Variants in PIN4 observed in about 807,000 individuals in gnomAD.
PIN4 encodes the protein peptidylprolyl cis/trans isomerase, NIMA-interacting 4, also known as peptidyl-prolyl cis-trans isomerase NIMA-interacting 4.
A neutral mutation model predicts 8.3 loss-of-function variants in PIN4; 3 were observed. That is an observed-to-expected ratio of 0.36 (90% CI 0.16 to 0.93). PIN4 has a LOEUF of 0.93. Among genes scored for constraint, PIN4 ranks in the 40% least tolerant of loss-of-function variants. The pLI is 0.44. For missense variants in PIN4, 75 were observed against 100.6 expected, an observed-to-expected ratio of 0.75 and a Z score of 1.09; for synonymous variants, 18 against 32.5, an observed-to-expected ratio of 0.55 and a Z score of 1.52.
intron 3 of PIN4, among the ~76,000 whole-genome samples, chrX:72,246,498 C>T (rs1331068973): frequency 9.0e-6 from 1 of 111,626 alleles, no homozygotes; most frequent in Non-Finnish European, 1.9e-5. Context: ...CTAAATCCTT[C>T]AAAGCCCCCT....
At chrX:72,201,845 A>G (rs1326929245), downstream of PIN4, among the ~76,000 whole-genome samples, 1 of 113,013 alleles carries the variant, frequency 8.8e-6, no homozygotes, top group Non-Finnish European at 1.9e-5. Context: ...TCTTGAACAA[A>G]GAACGAAACG....
At chrX:72,206,901 T>A in intron 3 of PIN4, 1 of 1,211,746 alleles carries the variant, frequency 8.3e-7, no homozygotes, top group Non-Finnish European at 1.1e-6. Flanking sequence ...CTCTTAATTC[T>A]TGTTTACTAA....
intron 1 of PIN4, among the ~76,000 whole-genome samples, chrX:72,184,765 T>C (rs2042690721): frequency 9.0e-6 from 1 of 111,569 alleles, no homozygotes; most frequent in Non-Finnish European, 1.9e-5. Flanking sequence ...TAATCAAACA[T>C]TTATTAAAAC....
intron 3 of PIN4, chrX:72,204,959 CAAA>C (rs2042807241): frequency 1.9e-6 from 2 of 1,028,755 alleles, no homozygotes; most frequent in Admixed American, 3.1e-5. Flanking sequence ...ATTATGGGAA[CAAA>C]AATTCCCTCA....
At chrX:72,234,834 A>G (rs781377306) in intron 3 of PIN4, among the ~76,000 whole-genome samples, 29 of 111,700 alleles carry the variant, frequency 2.6e-4, no homozygotes, top group African/African-American at 8.1e-4. Flanking sequence ...AATTGGAAGC[A>G]AGAGAGATGA....
chrX:72,210,711 C>T (rs2042849457), intron 3 of PIN4, among the ~76,000 whole-genome samples: 1 of 111,501 alleles, frequency 9.0e-6, no homozygotes, highest in Non-Finnish European at 1.9e-5. Context: ...TTAGCACCAG[C>T]CTAAAATACT....
At chrX:72,253,188 T>C (rs764597840) in intron 3 of PIN4, among the ~76,000 whole-genome samples, 3 of 111,928 alleles carry the variant, frequency 2.7e-5, no homozygotes, top group South Asian at 3.7e-4. Flanking sequence ...CCAAGCCCTG[T>C]TGGCTGTCTC....
chrX:72,199,760 G>A (rs1158325447), downstream of PIN4, among the ~76,000 whole-genome samples: 1 of 109,761 alleles, frequency 9.1e-6, no homozygotes, highest in East Asian at 2.9e-4. Flanking sequence ...TCTGTGGTAT[G>A]GAGAGAGAGC....
At chrX:72,192,163 G>C (rs2042739042) in intron 2 of PIN4, among the ~76,000 whole-genome samples, 1 of 111,182 alleles carries the variant, frequency 9.0e-6, no homozygotes, top group Non-Finnish European at 1.9e-5. Flanking sequence ...ATGTTGGCCA[G>C]GCTGGTCTCC....
At chrX:72,253,486 C>T (rs752859273) in intron 3 of PIN4, among the ~76,000 whole-genome samples, 27 of 110,578 alleles carry the variant, frequency 2.4e-4, no homozygotes, top group South Asian at 3.9e-4. Context: ...ATTAGCCAGG[C>T]GTGGTGGTGT....
chrX:72,207,179 A>C, intron 3 of PIN4: 1 of 1,211,393 alleles, frequency 8.3e-7, no homozygotes, highest in Non-Finnish European at 1.1e-6. Context: ...AGAAAAACAG[A>C]GTAATCTTTA....
At chrX:72,194,128 G>A (rs970394426) in intron 2 of PIN4, among the ~76,000 whole-genome samples, 20 of 111,647 alleles carry the variant, frequency 1.8e-4, no homozygotes, top group Non-Finnish European at 3.4e-4. Context: ...GGACGGGTGC[G>A]GTGGCTCATG....
intron 3 of PIN4, among the ~76,000 whole-genome samples, chrX:72,210,190 A>ACT (rs60310476): frequency 0.43 from 43,879 of 102,014 alleles, 8,789 homozygotes; most frequent in East Asian, 0.98. Flanking sequence ...ACATAGCGAG[A>ACT]CTGTCTCTTA....
intron 3 of PIN4, 139 bp downstream of exon 3, chrX:72,197,043 T>C (rs766387801): frequency 1.7e-6 from 1 of 585,887 alleles, no homozygotes; most frequent in Admixed American, 4.2e-5. Flanking sequence ...TGTTCAACCA[T>C]TGGTTGTAGC....
At chrX:72,204,869 G>C (rs892705988) in intron 3 of PIN4, 2 of 414,942 alleles carry the variant, frequency 4.8e-6, no homozygotes, top group Non-Finnish European at 4.0e-6. Context: ...CTATGGAGTG[G>C]GGGGCGTTGC....
At chrX:72,251,217 C>G (rs1300251343) in intron 3 of PIN4, among the ~76,000 whole-genome samples, 2 of 105,511 alleles carry the variant, frequency 1.9e-5, no homozygotes, top group Non-Finnish European at 3.9e-5. Flanking sequence ...AAAAAAATTA[C>G]CCGGGCGTGG....
intron 3 of PIN4, among the ~76,000 whole-genome samples, chrX:72,219,847 CAA>C (rs55860938): frequency 2.0e-4 from 13 of 64,972 alleles, no homozygotes; most frequent in Admixed American, 1.8e-4. Flanking sequence ...GACTCCGTCT[CAA>C]AAAAAAAAAA....
intron 3 of PIN4, among the ~76,000 whole-genome samples, chrX:72,220,254 A>G (rs2042915285): frequency 9.0e-6 from 1 of 111,378 alleles, no homozygotes; most frequent in Non-Finnish European, 1.9e-5. Flanking sequence ...TAAAAAATGT[A>G]ATAATCATCA....
At chrX:72,200,927 C>T (rs768751993), downstream of PIN4, among the ~76,000 whole-genome samples, 2 of 112,157 alleles carry the variant, frequency 1.8e-5, no homozygotes, top group South Asian at 3.7e-4. Context: ...AGGCTGGATG[C>T]GGTGGCTCAC....
Sources: gnomAD v4.1 joint callset for allele counts (sites outside exome capture counted in the v4.1 genomes callset) on GRCh38, gnomAD v4.1.1 for gene constraint, MANE v1.5 for transcripts, NCBI Gene and HGNC (gene_info 2026-07-23, HGNC 2026-07-21) for gene names.